Variants in ENTPD7 observed in about 807,000 individuals in gnomAD.
The protein encoded by ENTPD7 is ectonucleoside triphosphate diphosphohydrolase 7, also known as NTPDase 7.
Under a neutral mutation model 77.9 loss-of-function variants are expected in ENTPD7, and 53 were observed. The observed-to-expected ratio is 0.68, with a 90% CI of 0.55 to 0.85. The LOEUF (loss-of-function observed/expected upper bound fraction) is 0.85. ENTPD7 is among the 40% of genes least tolerant of loss of function. The pLI is 0.00. For missense variants in ENTPD7, 636 were observed against 743.7 expected (o/e 0.86, Z 1.68); for synonymous variants, 248 against 274.9 (o/e 0.90, Z 0.97).
At chr10:99,692,914 GA>G (rs1310127781) in intron 8 of ENTPD7, among the ~76,000 whole-genome samples, 17 of 152,096 alleles carry the variant, frequency 1.1e-4, no homozygotes, top group African/African-American at 3.9e-4. Flanking sequence ...TTTTTGTAGT[GA>G]AAAAATTTTT....
At chr10:99,674,049 A>G (rs2035650813) in intron 3 of ENTPD7, among the ~76,000 whole-genome samples, 1 of 152,238 alleles carries the variant, frequency 6.6e-6, no homozygotes, top group South Asian at 2.1e-4. Flanking sequence ...AACAGAAGGA[A>G]GAGGCCTTTT....
chr10:99,669,911 A>G (rs2035600245), intron 3 of ENTPD7, among the ~76,000 whole-genome samples: 1 of 151,752 alleles, frequency 6.6e-6, no homozygotes, highest in African/African-American at 2.4e-5. Flanking sequence ...CACCAGGCCC[A>G]GCTAATTTTT....
At position 99,698,624 on chromosome 10, in the gene ENTPD7, C is replaced by A. The variant is rs972834758; in HGVS notation, c.1101C>A (p.Asn367Lys). The change falls in exon 10 of 13, where the codon AAC (asparagine) becomes AAA (lysine). Residue 367 changes from asparagine (N) to lysine (K), a missense_variant. Transcript: ENST00000370489. ...PVGLTDVVER[N>K]SQVLHVRGRG... ...GACTCACAGATGTGGTGGAGAGGAA[C>A]AGCCAAGTCTTACATGTCCGAGGAA... is the stretch of plus-strand genomic sequence containing the variant. 1.2e-6 allele frequency: 2 copies of A among 1,614,196 alleles called. No homozygotes were observed. The highest frequency in any genetic ancestry group is 1.7e-6 in the Non-Finnish European group (2 of 1,180,048).
intron 7 of ENTPD7, 56 bp downstream of exon 7, chr10:99,688,806 T>C (rs180923321): frequency 2.6e-6 from 4 of 1,561,460 alleles, no homozygotes; most frequent in Middle Eastern, 1.7e-4. Context: ...ATTTAAGTTA[T>C]AACCTATCAG....
At chr10:99,690,513 AT>A (rs1306690701) in intron 7 of ENTPD7, among the ~76,000 whole-genome samples, 2 of 150,628 alleles carry the variant, frequency 1.3e-5, no homozygotes, top group Admixed American at 6.6e-5. Flanking sequence ...TGACATAAAC[AT>A]TTATTTGTTT....
Position 99,704,617 on chromosome 10 carries a change from A to C in ENTPD7, c.1749A>C (p.Ser583=), listed in dbSNP as rs1027407095. ...RRIHHRQTRA[S]APLDLLWLEE... is the part of the protein sequence containing the mutation. The stretch of plus-strand genomic sequence containing the variant: ...TTCACCACCGACAAACACGAGCCTC[A>C]GCTCCATTGGACTTGCTGTGGCTTG... Residue 583 remains serine, a synonymous_variant, in exon 13 of 13, where the codon TCA becomes TCC. Coordinates refer to ENST00000370489, the MANE Select transcript of ENTPD7 (RefSeq NM_020354.5). 6 of 1,614,078 alleles carry C rather than the reference A, an allele frequency of 3.7e-6. No individual in the cohort carries two copies. Among genetic ancestry groups the C allele is most frequent in the Non-Finnish European group, 5.1e-6 (6 of 1,180,024 alleles).
In ENTPD7 at chr10:99,707,184, A is replaced by G. The variant is rs1408940763; in HGVS notation, c.*2501A>G. On this transcript the variant is annotated 3_prime_UTR_variant, in exon 13 of 13. Transcript: ENST00000370489. ...TTTGTCTTGGAGTGTTTAATGTGTTATTTCCTGTTCATTACTTTAATATTA... is the reference window on the plus strand; with the variant it reads ...TTTGTCTTGGAGTGTTTAATGTGTTGTTTCCTGTTCATTACTTTAATATTA... Among the ~76,000 whole-genome samples, 1 of 152,032 alleles carries G rather than the reference A, an allele frequency of 6.6e-6. No homozygotes were observed. Among genetic ancestry groups the G allele is most frequent in the African/African-American group, 2.4e-5 (1 of 41,412 alleles).
Position 99,679,963 on chromosome 10 carries a change from G to T in ENTPD7, c.548+88G>T, listed in dbSNP as rs2035731798. ...ATGCACTGTCCTCTGTGGTTCCCTG[G>T]TCTATACCCCTAAACCCAATTATGA... On this transcript the variant is annotated intron_variant, in intron 5 of 12. Transcript: ENST00000370489. 8.2e-6 allele frequency: 12 copies of T among 1,468,546 alleles called. No individual in the cohort carries two copies. In the South Asian group the frequency reaches 1.4e-4, roughly 17 times the overall value. 91.0% of individuals were successfully genotyped at this position (1,468,546 alleles called of 1,614,324 possible).
intron 3 of ENTPD7, among the ~76,000 whole-genome samples, chr10:99,669,649 G>A (rs576406069): frequency 5.3e-5 from 8 of 150,944 alleles, no homozygotes; most frequent in African/African-American, 1.9e-4. Flanking sequence ...GCTCATTTGA[G>A]CTGAAGGTGC....
chr10:99,710,508 C>CT lies in ENTPD7; in HGVS notation c.*5826dup, dbSNP rs1564641424. 1 of 985,248 alleles carries CT rather than the reference C, an allele frequency of 1.0e-6. No homozygotes were observed. The highest frequency in any genetic ancestry group is 6.2e-5 in the Admixed American group (1 of 16,260). The allele number at this position is 985,248 out of a possible 1,614,324, so 61.0% of individuals were successfully genotyped here. On this transcript the variant is annotated 3_prime_UTR_variant, in exon 13 of 13. Coordinates refer to ENST00000370489, the MANE Select transcript of ENTPD7 (RefSeq NM_020354.5). ...ATTGCTTTGGGGAGTTGTTAAGACT[C>CT]TGTTTTTTCTACTGCTTCACATTAA... is the stretch of plus-strand genomic sequence containing the variant.
intron 3 of ENTPD7, among the ~76,000 whole-genome samples, chr10:99,666,592 A>C (rs1236445456): frequency 6.6e-6 from 1 of 152,220 alleles, no homozygotes; most frequent in Non-Finnish European, 1.5e-5. Context: ...CAGGAAGAGT[A>C]ATTGAACTAG....
In ENTPD7 at chr10:99,695,950, T is replaced by A. The variant is rs1005034756; in HGVS notation, c.844-6T>A. 6 of 1,611,616 alleles carry A rather than the reference T, an allele frequency of 3.7e-6. No individual in the cohort carries two copies. Among genetic ancestry groups the A allele is most frequent in the Non-Finnish European group, 5.1e-6 (6 of 1,179,266 alleles). ...ATTCCCTTTTTCTCTTGGTATTGTA[T>A]TATAGGAAGAAGCTGCCAAGATCCT... On this transcript the variant is annotated splice_region_variant and splice_polypyrimidine_tract_variant and intron_variant, in intron 8 of 12. Transcript: ENST00000370489.
intron 9 of ENTPD7, among the ~76,000 whole-genome samples, chr10:99,696,909 G>GA (rs1353266374): frequency 6.6e-5 from 10 of 152,148 alleles, no homozygotes; most frequent in African/African-American, 2.2e-4. Context: ...TGAGGGTCTA[G>GA]CCTAGGTAAC....
intron 7 of ENTPD7, among the ~76,000 whole-genome samples, chr10:99,690,094 C>T (rs2035861186): frequency 6.6e-6 from 1 of 152,152 alleles, no homozygotes; most frequent in Non-Finnish European, 1.5e-5. Context: ...TTTTAAGGAG[C>T]ATCTTTAGGT....
chr10:99,706,012 G>C lies in ENTPD7; in HGVS notation c.*1329G>C, dbSNP rs2036243759. On this transcript the variant is annotated 3_prime_UTR_variant, in exon 13 of 13. Coordinates refer to ENST00000370489, the MANE Select transcript of ENTPD7 (RefSeq NM_020354.5). ...CCCTTTCCTACATGTAGCCTTGAAT[G>C]TCCTTTCCACGAATATGCTCCCACG... 6.6e-6 allele frequency: 1 copy of C among 152,130 alleles called. No individual in the cohort carries two copies. Among genetic ancestry groups the C allele is most frequent in the Non-Finnish European group, 1.5e-5 (1 of 68,018 alleles). The allele number at this position is 152,130 out of a possible 1,614,324, so 9.4% of individuals were successfully genotyped here.
At chr10:99,667,835 TAC>T (rs1030164267) in intron 3 of ENTPD7, among the ~76,000 whole-genome samples, 24 of 151,994 alleles carry the variant, frequency 1.6e-4, no homozygotes, top group African/African-American at 5.5e-4. Context: ...TCAAAATTTC[TAC>T]AGACAGTTTC....
chr10:99,694,016 AT>A (rs1250311500), intron 8 of ENTPD7, among the ~76,000 whole-genome samples: 1 of 152,178 alleles, frequency 6.6e-6, no homozygotes, highest in African/African-American at 2.4e-5. Context: ...AGACAATGGC[AT>A]TTAAAACATT....
At chr10:99,688,841 TTG>T in intron 7 of ENTPD7, 91 bp downstream of exon 7, 1 of 1,260,624 alleles carries the variant, frequency 7.9e-7, no homozygotes, top group South Asian at 1.3e-5. Context: ...AAATTTTGAG[TTG>T]TTTTTCTTTT....
chr10:99,701,107 G>A, intron 11 of ENTPD7, 49 bp downstream of exon 11: 1 of 1,423,580 alleles, frequency 7.0e-7, no homozygotes, highest in Non-Finnish European at 9.9e-7. Context: ...AATCTAGATG[G>A]CAGATTATAA....
Sources: gnomAD v4.1 joint callset for allele counts (sites outside exome capture counted in the v4.1 genomes callset) on GRCh38, gnomAD v4.1.1 for gene constraint, MANE v1.5 for transcripts, NCBI Gene and HGNC (gene_info 2026-07-23, HGNC 2026-07-21) for gene names.